The following POLR1A variants were observed in gnomAD, a reference collection of about 807,000 sequenced individuals.
The protein encoded by POLR1A is DNA-directed RNA polymerase I subunit RPA1.
In POLR1A, 84 loss-of-function variants were observed where a neutral mutation model predicts 205.3. The ratio of observed to expected loss-of-function variants is 0.41; its 90% CI spans 0.34 to 0.49. POLR1A has a LOEUF of 0.49. Among genes scored for constraint, POLR1A ranks in the 20% least tolerant of loss-of-function variants. The pLI, the probability that POLR1A is intolerant of heterozygous loss-of-function variation, is 0.22. For synonymous variants in POLR1A, 799 were observed against 863.7 expected (o/e 0.93, Z 1.31); for missense variants, 1,645 against 2,204.5 (o/e 0.75, Z 5.08).
Position 86,098,742 on chromosome 2 carries a change from G to C in POLR1A, c.301C>G (p.Arg101Gly). 6.2e-7 allele frequency: 1 copy of C among 1,614,000 alleles called. No homozygotes were observed. Among genetic ancestry groups the C allele is most frequent in the Non-Finnish European group, 8.5e-7 (1 of 1,179,960 alleles). ...ATGTGGCAGTTTAAACAAGAGCCCC[G>C]AAGCAGCAGGTACAGCTTCTGAAGA... ...LLFDKLYLLL[R>G]GSCLNCHMLT... Residue 101 changes from arginine to glycine, a missense_variant, in exon 3 of 34, where the codon CGG becomes GGG. Around this residue, in one of 16 missense-constraint regions of POLR1A, gnomAD observed 330 missense variants for 375.6 expected, o/e 0.88. Transcript: ENST00000263857.
At chr2:86,092,233 A>G (rs1195173441) in intron 3 of POLR1A, among the ~76,000 whole-genome samples, 6 of 152,246 alleles carry the variant, frequency 3.9e-5, no homozygotes, top group Admixed American at 6.5e-5. Flanking sequence ...GACTGGAAAG[A>G]CTACAGCTCT....
chr2:86,075,195 T>C lies in POLR1A; in HGVS notation c.1446A>G (p.Gln482=). The C allele has an allele frequency of 1.2e-6, 2 of 1,613,134 alleles. No individual in the cohort carries two copies. The highest frequency in any genetic ancestry group is 1.7e-6 in the Non-Finnish European group (2 of 1,179,612). Residue 482 remains glutamine (Q), a synonymous_variant, in exon 12 of 34, where the codon CAA becomes CAG. Transcript: ENST00000263857. Reference sequence around the variant, plus strand: ...GCACATTAGGGCCGTTGATGACCGCTTGCCTAAGTTCCTGAACATTCCATG... The same window carrying C: ...GCACATTAGGGCCGTTGATGACCGCCTGCCTAAGTTCCTGAACATTCCATG... ...VTPWNVQELR[Q]AVINGPNVHP...
Position 86,100,019 on chromosome 2 carries a change from G to A in POLR1A, c.231C>T (p.His77=). The A allele has an allele frequency of 1.9e-6, 3 of 1,614,168 alleles. No homozygotes were observed. Among genetic ancestry groups the A allele is most frequent in the Non-Finnish European group, 2.5e-6 (3 of 1,180,036 alleles). ...TGAGTGGGAGCTCAATGTGGCCCAG[G>A]TGCCCAGAACAGTTGCTGAAGTCCT... ...CVQDFSNCSG[H]LGHIELPLTV... is the part of the protein sequence containing the mutation. Residue 77 remains histidine (H), a synonymous_variant, in exon 2 of 34, where the codon CAC becomes CAT. Transcript: ENST00000263857.
intron 16 of POLR1A, among the ~76,000 whole-genome samples, chr2:86,049,913 T>G (rs920665441): frequency 3.4e-5 from 5 of 148,726 alleles, no homozygotes; most frequent in Non-Finnish European, 7.4e-5. Context: ...AAACTAGTGT[T>G]TTTTTTTTTG....
chr2:86,049,257 A>C lies in POLR1A; in HGVS notation c.2393-15T>G. 6.2e-7 allele frequency: 1 copy of C among 1,605,786 alleles called. No individual in the cohort carries two copies. The highest frequency in any genetic ancestry group is 1.1e-5 in the South Asian group (1 of 90,892). ...GTCTTCCACGCCTGTGAAGTGAAAC[A>C]GACAAGCTTGTAGGCGACCTCAGGC... On this transcript the variant is annotated splice_polypyrimidine_tract_variant and intron_variant, in intron 16 of 33. Coordinates refer to ENST00000263857, the MANE Select transcript of POLR1A (RefSeq NM_015425.6).
intron 14 of POLR1A, among the ~76,000 whole-genome samples, chr2:86,056,090 C>G (rs763880173): frequency 7.0e-6 from 1 of 142,002 alleles, no homozygotes; most frequent in Non-Finnish European, 1.6e-5. Flanking sequence ...CTGAAGGATA[C>G]AAGGTCAACA....
In POLR1A at chr2:86,088,644, C is replaced by A; in HGVS notation, c.652G>T (p.Glu218Ter). 1 of 1,613,996 alleles carries A rather than the reference C, an allele frequency of 6.2e-7. No homozygotes were observed. The highest frequency in any genetic ancestry group is 1.1e-5 in the South Asian group (1 of 91,060). ...GTGATAGTCAACTTGCTGTTGTGTT[C>A]CTTTCGGACAACGGATCGCCCGGTC... ...CKTGRSVVRK[E>*]HNSKLTITFP... Residue 218 changes from glutamate (E) to a stop codon, truncating the protein, a stop_gained, in exon 6 of 34, where the codon GAA becomes TAA. Transcript: ENST00000263857. LOFTEE classifies it high-confidence loss of function.
intron 1 of POLR1A, 138 bp from the exon 2 acceptor site, chr2:86,100,310 C>A: frequency 1.5e-6 from 1 of 668,530 alleles, no homozygotes; most frequent in South Asian, 1.8e-5. Flanking sequence ...GTCTTTCTCA[C>A]TAGTGTACCC....
At chr2:86,039,221 T>C in intron 26 of POLR1A, 106 bp downstream of exon 26, 4 of 1,256,310 alleles carry the variant, frequency 3.2e-6, no homozygotes, top group Non-Finnish European at 4.5e-6. Flanking sequence ...TTGGTGGGAA[T>C]CTGAGCCTAG....
At chr2:86,082,006 ATT>A (rs796391019) in intron 7 of POLR1A, among the ~76,000 whole-genome samples, 1 of 146,460 alleles carries the variant, frequency 6.8e-6, no homozygotes, top group African/African-American at 2.5e-5. Flanking sequence ...TAATTTTTGT[ATT>A]TTTTTTTTTA....
chr2:86,100,363 A>G (rs979609810), intron 1 of POLR1A, among the ~76,000 whole-genome samples, 191 bp from the exon 2 acceptor site: 2 of 152,174 alleles, frequency 1.3e-5, no homozygotes, highest in African/African-American at 4.8e-5. Context: ...TAATAAATAC[A>G]TATGTGCTAA....
chr2:86,060,928 C>T (rs1342678456), intron 14 of POLR1A, among the ~76,000 whole-genome samples: 1 of 151,986 alleles, frequency 6.6e-6, no homozygotes, highest in Middle Eastern at 3.2e-3. Context: ...GGACTTATAC[C>T]AAATTATAGT....
chr2:86,080,942 A>G lies in POLR1A; in HGVS notation c.960T>C (p.Phe320=). 1.2e-6 allele frequency: 2 copies of G among 1,614,002 alleles called. No homozygotes were observed. Among genetic ancestry groups the G allele is most frequent in the Non-Finnish European group, 1.7e-6 (2 of 1,179,918 alleles). ...RPVSRLGDQM[F]TNGQTVNLQA... is the part of the protein sequence containing the mutation. ...GCAAGTTCACCGTCTGGCCATTAGTAAACATCTGGTCTCCTAGGCGACTGA... is the reference window on the plus strand; with the variant it reads ...GCAAGTTCACCGTCTGGCCATTAGTGAACATCTGGTCTCCTAGGCGACTGA... The change falls in exon 9 of 34, where the codon TTT becomes TTC. Residue 320 remains phenylalanine (F), a synonymous_variant. Coordinates refer to ENST00000263857, the MANE Select transcript of POLR1A (RefSeq NM_015425.6).
intron 6 of POLR1A, among the ~76,000 whole-genome samples, chr2:86,086,583 G>T (rs1225529265): frequency 1.3e-5 from 2 of 152,196 alleles, no homozygotes; most frequent in African/African-American, 4.8e-5. Flanking sequence ...TTGGCATAAT[G>T]CTGAGCACCC....
chr2:86,057,298 A>G (rs1209067628), intron 14 of POLR1A, among the ~76,000 whole-genome samples: 1 of 152,240 alleles, frequency 6.6e-6, no homozygotes, highest in African/African-American at 2.4e-5. Flanking sequence ...AAAGGAAAAA[A>G]AAGAACAAAA....
chr2:86,095,505 A>G (rs569890582), intron 3 of POLR1A, among the ~76,000 whole-genome samples: 15 of 152,378 alleles, frequency 9.8e-5, no homozygotes, highest in African/African-American at 3.6e-4. Context: ...ACATTTTTAC[A>G]TATCAACAAA....
At chr2:86,048,734 C>T (rs756053582) in intron 18 of POLR1A, 150 bp downstream of exon 18, 6 of 682,094 alleles carry the variant, frequency 8.8e-6, no homozygotes, top group South Asian at 3.7e-5. Context: ...TTCAAAACAA[C>T]GAGTTCTACC....
Position 86,052,997 on chromosome 2 carries a change from T to C in POLR1A, c.2212A>G (p.Ile738Val), listed in dbSNP as rs553771718. ...NPDSMCESQV[I>V]IREGELLCGV... Reference sequence around the variant, plus strand: ...CAGAGCAGCTCCCCTTCCCTGATGATCACCTGCAGAGGGCAAGGCCACCAA... The same window carrying C: ...CAGAGCAGCTCCCCTTCCCTGATGACCACCTGCAGAGGGCAAGGCCACCAA... The change falls in exon 16 of 34, where the codon ATC becomes GTC. Residue 738 changes from isoleucine (I) to valine (V), a missense_variant. Physicochemically the swap from Ile to Val is conservative, Grantham distance 29 (BLOSUM62 3). Coordinates refer to ENST00000263857, the MANE Select transcript of POLR1A (RefSeq NM_015425.6). 2 of 1,577,710 alleles carry C rather than the reference T, an allele frequency of 1.3e-6. No individual in the cohort carries two copies. Among genetic ancestry groups the C allele is most frequent in the Admixed American group, 3.6e-5 (2 of 55,804 alleles).
chr2:86,048,781 C>T, intron 18 of POLR1A, 103 bp downstream of exon 18: 1 of 1,066,758 alleles, frequency 9.4e-7, no homozygotes, highest in Non-Finnish European at 1.4e-6. Flanking sequence ...AGCTGTTCAA[C>T]AGCCAAGGTG....
Sources: allele counts gnomAD v4.1 joint callset (sites outside exome capture counted in the v4.1 genomes callset), GRCh38; gene constraint gnomAD v4.1.1; regional missense constraint gnomAD v4.1.1; transcripts MANE v1.5; gene names NCBI Gene and HGNC (gene_info 2026-07-23, HGNC 2026-07-21).